INO80D: variants seen among roughly 807,000 people sequenced by gnomAD.
The protein encoded by INO80D is INO80 complex subunit D.
A neutral mutation model predicts 87.6 loss-of-function variants in INO80D; 21 were observed. That is an observed-to-expected ratio of 0.24 (90% CI 0.17 to 0.35). INO80D has a LOEUF of 0.35. Among genes scored for constraint, INO80D ranks in the 10% least tolerant of loss-of-function variants. INO80D has a pLI of 1.00. For synonymous variants in INO80D, 440 were observed against 491.0 expected (o/e 0.90, Z 1.37); for missense variants, 982 against 1,280.7 (o/e 0.77, Z 3.56).
At position 206,002,640 on chromosome 2, in the gene INO80D, A is replaced by T. The variant is rs1465037568; in HGVS notation, c.*1728T>A. On this transcript the variant is annotated 3_prime_UTR_variant, in exon 11 of 11. Coordinates refer to ENST00000403263, the MANE Select transcript of INO80D (RefSeq NM_017759.5). ...TGCTGATCACCATCATTCCTTTAAA[A>T]AGCAGAGAAAGAAAAGCTTTCAAAA... 1 of 152,166 alleles carries T rather than the reference A, an allele frequency of 6.6e-6. No individual in the cohort carries two copies. The highest frequency in any genetic ancestry group is 1.5e-5 in the Non-Finnish European group (1 of 68,044). The allele number at this position is 152,166 out of a possible 1,614,324, so 9.4% of individuals were successfully genotyped here.
intron 5 of INO80D, among the ~76,000 whole-genome samples, chr2:206,034,728 T>C (rs556630860): frequency 8.8e-4 from 134 of 152,000 alleles, no homozygotes; most frequent in Non-Finnish European, 1.7e-3. Context: ...AACATAGTAC[T>C]GGAAGTCCTA....
intron 3 of INO80D, 114 bp from the exon 4 acceptor site, chr2:206,057,057 T>G: frequency 9.8e-7 from 1 of 1,025,508 alleles, no homozygotes; most frequent in Middle Eastern, 2.8e-4. Flanking sequence ...TAGTGACTCT[T>G]GGCAGCCAGC....
At chr2:206,027,224 TTC>T (rs148848724) in intron 6 of INO80D, among the ~76,000 whole-genome samples, 2 of 152,266 alleles carry the variant, frequency 1.3e-5, no homozygotes, top group African/African-American at 2.4e-5. Context: ...ACAGTGCTCA[TTC>T]TCTCTCTCAT....
At chr2:206,057,506 T>C (rs1023292243) in intron 3 of INO80D, among the ~76,000 whole-genome samples, 2 of 152,134 alleles carry the variant, frequency 1.3e-5, no homozygotes, top group African/African-American at 4.8e-5. Context: ...CCTTTTTCAA[T>C]AGCCAGATGT....
At chr2:206,072,421 G>A (rs527942828) in intron 1 of INO80D, among the ~76,000 whole-genome samples, 2 of 151,734 alleles carry the variant, frequency 1.3e-5, no homozygotes, top group Non-Finnish European at 2.9e-5. Flanking sequence ...GATTATAGGC[G>A]CCCGCCACCA....
intron 5 of INO80D, among the ~76,000 whole-genome samples, chr2:206,045,771 A>C (rs1333522798): frequency 6.6e-6 from 1 of 152,176 alleles, no homozygotes; most frequent in African/African-American, 2.4e-5. Context: ...ATGTTGCAGA[A>C]GATAGAGGTG....
At chr2:206,012,121 T>C (rs556991462) in intron 8 of INO80D, among the ~76,000 whole-genome samples, 46 of 152,292 alleles carry the variant, frequency 3.0e-4, no homozygotes, top group Middle Eastern at 6.8e-3. Flanking sequence ...ATGGAGCTAA[T>C]ATGATCAGAT....
intron 4 of INO80D, among the ~76,000 whole-genome samples, chr2:206,053,461 TTTTAA>T (rs549194406): frequency 9.6e-4 from 146 of 152,308 alleles, no homozygotes; most frequent in African/African-American, 3.2e-3. Flanking sequence ...GCTTGGAGTG[TTTTAA>T]TTTATTATTT....
chr2:206,005,650 A>G, intron 10 of INO80D, 117 bp from the exon 11 acceptor site: 1 of 837,792 alleles, frequency 1.2e-6, no homozygotes, highest in Non-Finnish European at 1.8e-6. Context: ...TCTTGAAAAG[A>G]AAAGTTTCCA....
At chr2:206,069,557 C>CA (rs906898085) in intron 1 of INO80D, among the ~76,000 whole-genome samples, 5 of 151,512 alleles carry the variant, frequency 3.3e-5, no homozygotes, top group Admixed American at 3.3e-4. Context: ...TGCAGATTCT[C>CA]AAAAAAAAGT....
intron 5 of INO80D, among the ~76,000 whole-genome samples, chr2:206,034,142 T>C (rs1004510099): frequency 7.9e-5 from 12 of 152,104 alleles, no homozygotes; most frequent in Admixed American, 5.9e-4. Flanking sequence ...GGATCAGACT[T>C]ATTCACAGCA....
chr2:206,032,274 C>G (rs1688789609), intron 5 of INO80D, among the ~76,000 whole-genome samples: 1 of 152,166 alleles, frequency 6.6e-6, no homozygotes, highest in Non-Finnish European at 1.5e-5. Context: ...AGCTGGGAGG[C>G]AGGTAGCCTC....
chr2:206,012,888 C>T (rs979851912), intron 8 of INO80D, among the ~76,000 whole-genome samples: 3 of 110,550 alleles, frequency 2.7e-5, no homozygotes, highest in Non-Finnish European at 6.1e-5. Flanking sequence ...AAAAAAAAAA[C>T]CAGAGCCTAG....
chr2:206,031,858 G>T (rs1355091190), intron 5 of INO80D, among the ~76,000 whole-genome samples: 2 of 152,192 alleles, frequency 1.3e-5, no homozygotes, highest in Non-Finnish European at 2.9e-5. Flanking sequence ...TCCAAATACC[G>T]TGAGTGCCCA....
At chr2:206,028,675 G>A (rs1442312399) in intron 5 of INO80D, among the ~76,000 whole-genome samples, 1 of 152,112 alleles carries the variant, frequency 6.6e-6, no homozygotes, top group African/African-American at 2.4e-5. Context: ...TAAAAAGTCT[G>A]AGTAAATGAC....
At position 206,004,309 on chromosome 2, in the gene INO80D, G is replaced by A. The variant is rs1687962797; in HGVS notation, c.*59C>T. 2.1e-6 allele frequency: 3 copies of A among 1,444,086 alleles called. No individual in the cohort carries two copies. Among genetic ancestry groups the A allele is most frequent in the South Asian group, 2.5e-5 (2 of 79,566 alleles). The allele number at this position is 1,444,086 out of a possible 1,614,324, so 89.5% of individuals were successfully genotyped here. On this transcript the variant is annotated 3_prime_UTR_variant, in exon 11 of 11. Transcript: ENST00000403263. This position sits in a 1 kb window ranked among gnomAD's most constrained non-coding sequence, Gnocchi z 4.9. ...AGGAAAAGGGGAGAGGGGTGCTAAA[G>A]AGGAAACAAAGATAGAAAACACTGG...
At chr2:206,072,748 A>G (rs1227725143) in intron 1 of INO80D, among the ~76,000 whole-genome samples, 1 of 152,200 alleles carries the variant, frequency 6.6e-6, no homozygotes, top group Admixed American at 6.5e-5. Flanking sequence ...AAACTATTCC[A>G]CAATAATATC....
At chr2:206,056,992 TA>T in intron 3 of INO80D, 49 bp from the exon 4 acceptor site, 1 of 1,488,358 alleles carries the variant, frequency 6.7e-7, no homozygotes, top group Non-Finnish European at 9.0e-7. Flanking sequence ...ACATATTTTT[TA>T]AAAGTAGAAC....
chr2:206,027,144 ACG>A (rs1334110903), intron 6 of INO80D, among the ~76,000 whole-genome samples: 75 of 107,048 alleles, frequency 7.0e-4, no homozygotes, highest in Non-Finnish European at 1.1e-3. Flanking sequence ...TTACACACGC[ACG>A]CGCGCACGCG....
Sources: gnomAD v4.1 joint callset for allele counts (sites outside exome capture counted in the v4.1 genomes callset) on GRCh38, gnomAD v4.1.1 for gene constraint, Gnocchi (gnomAD v3.1) non-coding constraint, MANE v1.5 for transcripts, NCBI Gene and HGNC (gene_info 2026-07-23, HGNC 2026-07-21) for gene names.